CD80: variants seen among roughly 807,000 people sequenced by gnomAD.
CD80 encodes the protein T-lymphocyte activation antigen CD80.
In CD80, 13 loss-of-function variants were observed where a neutral mutation model predicts 27.1. The ratio of observed to expected loss-of-function variants is 0.48; its 90% CI spans 0.31 to 0.76. The LOEUF (loss-of-function observed/expected upper bound fraction) is 0.76. Among genes scored for constraint, CD80 ranks in the 30% least tolerant of loss-of-function variants. CD80 has a pLI of 0.04. For missense variants in CD80, 277 were observed against 347.9 expected (o/e 0.80, Z 1.62); for synonymous variants, 125 against 125.5 (o/e 1.00, Z 0.03).
At chr3:119,552,513 CAAA>C (rs11369803) in intron 2 of CD80, among the ~76,000 whole-genome samples, 148 of 31,282 alleles carry the variant, frequency 4.7e-3, no homozygotes, top group African/African-American at 0.014. Context: ...GACTCTGTCT[CAAA>C]AAAAAAAAAA....
intron 2 of CD80, among the ~76,000 whole-genome samples, chr3:119,554,064 C>T (rs567440499): frequency 6.6e-6 from 1 of 152,344 alleles, no homozygotes; most frequent in South Asian, 2.1e-4. Context: ...ACTTTTCCCC[C>T]TGTTTAGACC....
chr3:119,548,429 A>C (rs1017655368), intron 2 of CD80, among the ~76,000 whole-genome samples: 67 of 152,300 alleles, frequency 4.4e-4, no homozygotes, highest in African/African-American at 1.5e-3. Context: ...GAAGACCTGA[A>C]TATAAGTGCC....
chr3:119,539,483 T>C (rs1462623252), intron 3 of CD80, among the ~76,000 whole-genome samples: 3 of 152,114 alleles, frequency 2.0e-5, no homozygotes, highest in African/African-American at 4.8e-5. Flanking sequence ...ACATTGAGCC[T>C]ATAACCTCAT....
At chr3:119,528,786 C>T (rs945445057) in intron 5 of CD80, among the ~76,000 whole-genome samples, 22 of 151,836 alleles carry the variant, frequency 1.4e-4, no homozygotes, top group African/African-American at 4.8e-4. Context: ...ATTAGTCAGG[C>T]GTGGCAGCAC....
At chr3:119,533,389 C>T (rs182348049) in intron 4 of CD80, among the ~76,000 whole-genome samples, 22 of 146,028 alleles carry the variant, frequency 1.5e-4, no homozygotes, top group African/African-American at 3.0e-4. Flanking sequence ...ATGCGCAATC[C>T]GCTTAATTAA....
chr3:119,544,915 TTCC>T (rs1289349041), intron 2 of CD80, 48 bp from the exon 3 acceptor site: 144 of 1,480,242 alleles, frequency 9.7e-5, no homozygotes, highest in Non-Finnish European at 1.3e-4. Context: ...TAAATACAGA[TTCC>T]TGCATGGTCA....
rs1278947249 is a variant in CD80, at chr3:119,557,749, A to C, written c.-21T>G. 1 of 1,587,600 alleles carries C rather than the reference A, an allele frequency of 6.3e-7. No individual in the cohort carries two copies. Among genetic ancestry groups the C allele is most frequent in the Non-Finnish European group, 8.6e-7 (1 of 1,160,658 alleles). ...CCCATGGCTTCAGATGCTTAGGGTC[A>C]AAAGTGAAAGCCAACAATTTGGACC... On this transcript the variant is annotated 5_prime_UTR_variant, in exon 2 of 7. Coordinates refer to ENST00000264246, the MANE Select transcript of CD80 (RefSeq NM_005191.4).
chr3:119,530,509 G>A (rs564347603), intron 4 of CD80, among the ~76,000 whole-genome samples: 1 of 152,178 alleles, frequency 6.6e-6, no homozygotes, highest in Admixed American at 6.5e-5. Context: ...GTGTGGATAT[G>A]GCTTGGTATT....
intron 2 of CD80, among the ~76,000 whole-genome samples, chr3:119,545,091 C>G (rs879769297): frequency 6.6e-6 from 1 of 152,176 alleles, no homozygotes; most frequent in Admixed American, 6.5e-5. Flanking sequence ...CGCCTGTAAT[C>G]CCAGCACTTT....
intron 4 of CD80, among the ~76,000 whole-genome samples, chr3:119,536,124 G>A (rs1253588287): frequency 6.6e-6 from 1 of 151,650 alleles, no homozygotes; most frequent in African/African-American, 2.4e-5. Flanking sequence ...GGTGGCTGGC[G>A]CCTGTAATCC....
At chr3:119,531,104 A>G (rs968959963) in intron 4 of CD80, among the ~76,000 whole-genome samples, 1 of 152,274 alleles carries the variant, frequency 6.6e-6, no homozygotes, top group Non-Finnish European at 1.5e-5. Context: ...CTCCTTGGCC[A>G]TAGCCAAATC....
Position 119,537,377 on chromosome 3 carries a change from T to C in CD80, c.460A>G (p.Thr154Ala). ...CAAATTATCCTTCTAATATTAGAAG[T>C]TGGAATTTCAAAGTCAGATATACTA... is the stretch of plus-strand genomic sequence containing the variant. ...TPSISDFEIP[T>A]SNIRRIICST... is the part of the protein sequence containing the mutation. Residue 154 changes from threonine to alanine, a missense_variant, in exon 4 of 7, where the codon ACT becomes GCT. Transcript: ENST00000264246. 3 of 1,611,692 alleles carry C rather than the reference T, an allele frequency of 1.9e-6. No individual in the cohort carries two copies. Among genetic ancestry groups the C allele is most frequent in the Non-Finnish European group, 1.7e-6 (2 of 1,177,840 alleles).
intron 2 of CD80, among the ~76,000 whole-genome samples, chr3:119,546,819 C>CACAA (rs1367763143): frequency 6.6e-6 from 1 of 150,666 alleles, no homozygotes; most frequent in Non-Finnish European, 1.5e-5. Context: ...TGCAACAACA[C>CACAA]ACACACACAC....
At chr3:119,528,229 T>G (rs2082089398) in intron 5 of CD80, among the ~76,000 whole-genome samples, 1 of 152,178 alleles carries the variant, frequency 6.6e-6, no homozygotes, top group South Asian at 2.1e-4. Context: ...GAAACATCCT[T>G]GAGCCCACCA....
At chr3:119,534,942 C>T (rs546631581) in intron 4 of CD80, among the ~76,000 whole-genome samples, 43 of 152,136 alleles carry the variant, frequency 2.8e-4, no homozygotes, top group African/African-American at 9.9e-4. Context: ...CTGTAATCTC[C>T]ACACTTTGGG....
At chr3:119,550,152 C>G (rs1047712931) in intron 2 of CD80, among the ~76,000 whole-genome samples, 4 of 152,202 alleles carry the variant, frequency 2.6e-5, no homozygotes, top group Non-Finnish European at 5.9e-5. Context: ...CCTTTCATTT[C>G]ACTCAAGGGT....
intron 2 of CD80, among the ~76,000 whole-genome samples, chr3:119,556,578 T>C (rs981028704): frequency 1.3e-5 from 2 of 152,196 alleles, no homozygotes; most frequent in South Asian, 2.1e-4. Context: ...TCTGAAACAA[T>C]GTAAAATAGC....
Position 119,543,162 on chromosome 3 carries a change from C to G in CD80, c.418+1388G>C, listed in dbSNP as rs962824412. Among the ~76,000 whole-genome samples, 3 of 152,194 alleles carry G rather than the reference C, an allele frequency of 2.0e-5. No homozygotes were observed. In the East Asian group the frequency reaches 5.8e-4, roughly 29 times the overall value. On this transcript the variant is annotated intron_variant, in intron 3 of 6. Coordinates refer to ENST00000264246, the MANE Select transcript of CD80 (RefSeq NM_005191.4). ...GAGTAATGATAAAACTCCGGTCTCC[C>G]GCACAGCCAGTTGTGCGTAAATTAC...
intron 6 of CD80, chr3:119,527,319 G>A (rs1264906379): frequency 1.3e-5 from 2 of 155,436 alleles, no homozygotes; most frequent in South Asian, 2.0e-4. Context: ...AGTAGGATGA[G>A]TCTGTTAGTA....
Sources: allele counts gnomAD v4.1 joint callset (sites outside exome capture counted in the v4.1 genomes callset), GRCh38; gene constraint gnomAD v4.1.1; transcripts MANE v1.5; gene names NCBI Gene and HGNC (gene_info 2026-07-23, HGNC 2026-07-21).